The following SRGAP2B variants were observed in gnomAD, a reference collection of about 807,000 sequenced individuals.
SRGAP2B encodes SLIT-ROBO Rho GTPase activating protein 2B.
A neutral mutation model predicts 22.2 loss-of-function variants in SRGAP2B; 9 were observed. That is an observed-to-expected ratio of 0.41 (90% confidence interval 0.24 to 0.71). The LOEUF (loss-of-function observed/expected upper bound fraction) is 0.71, where lower values mean the gene tolerates loss of function less well. Among genes scored for constraint, SRGAP2B ranks in the 30% least tolerant of loss-of-function variants. The pLI, the probability that SRGAP2B is intolerant of heterozygous loss-of-function variation, is 0.35. For missense variants in SRGAP2B, 114 were observed against 235.8 expected (o/e 0.48, Z 3.38); for synonymous variants, 36 against 87.4 (o/e 0.41, Z 3.28).
chr1:144,927,444 A>G (rs1664819311), intron 4 of SRGAP2B, among the ~76,000 whole-genome samples: 1 of 150,810 alleles, frequency 6.6e-6, no homozygotes, highest in African/African-American at 2.5e-5. Context: ...TTTGAAGGGT[A>G]TTCCTTTCTA....
intron 2 of SRGAP2B, among the ~76,000 whole-genome samples, chr1:144,995,687 C>T (rs1170347978): frequency 6.9e-6 from 1 of 145,582 alleles, no homozygotes; most frequent in African/African-American, 2.7e-5. Context: ...AGAGACCATG[C>T]TCCTACTTTT....
intron 2 of SRGAP2B, among the ~76,000 whole-genome samples, chr1:144,999,934 T>C (rs1671010457): frequency 6.7e-6 from 1 of 149,622 alleles, no homozygotes; most frequent in Non-Finnish European, 1.5e-5. Flanking sequence ...AAGAGTGAAT[T>C]TTACAGTATG....
chr1:145,035,950 A>C (rs1191819925), intron 2 of SRGAP2B, among the ~76,000 whole-genome samples: 4 of 143,858 alleles, frequency 2.8e-5, no homozygotes, highest in Non-Finnish European at 6.1e-5. Context: ...AAAAAAAAAA[A>C]AAAAACCCAC....
intron 4 of SRGAP2B, among the ~76,000 whole-genome samples, 151 bp downstream of exon 4, chr1:144,955,288 T>C (rs1409667638): frequency 4.3e-4 from 63 of 146,082 alleles, no homozygotes; most frequent in Non-Finnish European, 7.0e-4. Context: ...GGGGTATATG[T>C]GCAAGTTTGT....
intron 4 of SRGAP2B, among the ~76,000 whole-genome samples, chr1:144,953,843 T>C (rs1553609806): frequency 2.0e-5 from 3 of 150,714 alleles, no homozygotes; most frequent in Non-Finnish European, 4.4e-5. Context: ...AAAGTTGTTT[T>C]CTCGGATGAA....
At chr1:145,010,292 T>A (rs1671955644) in intron 2 of SRGAP2B, among the ~76,000 whole-genome samples, 1 of 96,116 alleles carries the variant, frequency 1.0e-5, no homozygotes, top group Non-Finnish European at 2.0e-5. Context: ...AGCATGCAAG[T>A]TGGAATGTAA....
Position 145,001,971 on chromosome 1 carries a change from G to A in SRGAP2B, c.68-6771C>T, listed in dbSNP as rs1175483022. ...CAGGAGGTCAAGGCCACAGTGAGCC[G>A]TGATTGTGCCACTATACTCCAGCCT... is the stretch of plus-strand genomic sequence containing the variant. On this transcript the variant is annotated intron_variant, in intron 2 of 9. Transcript: ENST00000612199. Among the ~76,000 whole-genome samples the A allele has an allele frequency of 1.1e-4, 16 of 144,674 alleles. 1 individual carries two copies. The highest frequency in any genetic ancestry group is 2.9e-4 in the African/African-American group (11 of 37,356). The allele number at this position is 144,674 out of a possible 152,430, so 94.9% of individuals were successfully genotyped here. A position where few individuals can be genotyped will look rare whatever the true frequency, so the allele number is the denominator to read the frequency against.
chr1:144,943,982 T>A (rs1754458), intron 4 of SRGAP2B, among the ~76,000 whole-genome samples: 1 of 147,694 alleles, frequency 6.8e-6, no homozygotes, highest in Admixed American at 6.7e-5. Context: ...ACATCTTGGG[T>A]TTCCCATGGA....
intron 3 of SRGAP2B, among the ~76,000 whole-genome samples, chr1:144,984,846 T>G (rs1333122896): frequency 6.6e-6 from 1 of 150,710 alleles, no homozygotes; most frequent in African/African-American, 2.5e-5. Context: ...AAATCCCTAA[T>G]CAAGGGTCAA....
rs1244721140 is a variant in SRGAP2B at position 144,945,635 on chromosome 1, T to C, written c.423+9804A>G. On this transcript the variant is annotated intron_variant, in intron 4 of 9. Coordinates refer to ENST00000612199, the Ensembl canonical transcript of SRGAP2B. ...CAAACAAACAAACAAAAAGATGATATATTACATACAAGTAAGCAATAATAA... is the reference window on the plus strand; with the variant it reads ...CAAACAAACAAACAAAAAGATGATACATTACATACAAGTAAGCAATAATAA... Among the ~76,000 whole-genome samples, 10 of 150,188 alleles carry C rather than the reference T, an allele frequency of 6.7e-5. No homozygotes were observed. In the East Asian group the frequency reaches 9.7e-4, roughly 15 times the overall value.
At chr1:145,066,661 C>A (rs1436794986) in intron 2 of SRGAP2B, among the ~76,000 whole-genome samples, 1 of 151,628 alleles carries the variant, frequency 6.6e-6, no homozygotes, top group Admixed American at 6.6e-5. Context: ...GCGCCCAGGC[C>A]GTCTGGCTAC....
In SRGAP2B at chr1:144,976,018, C is replaced by T. The variant is rs2747585; in HGVS notation, c.260+18990G>A. Reference sequence around the variant, plus strand: ...CCTCCCCAGTAGCTGGGACCACAGGCGCCTGCCACCATGCCCGGCTAATTT... The same window carrying T: ...CCTCCCCAGTAGCTGGGACCACAGGTGCCTGCCACCATGCCCGGCTAATTT... On this transcript the variant is annotated intron_variant, in intron 3 of 9. Transcript: ENST00000612199. Among the ~76,000 whole-genome samples, 407 of 149,562 alleles carry T rather than the reference C, an allele frequency of 2.7e-3. 28 individuals carry two copies. The highest frequency in any genetic ancestry group is 9.8e-3 in the African/African-American group (389 of 39,558).
intron 2 of SRGAP2B, among the ~76,000 whole-genome samples, chr1:144,998,428 G>A (rs1553618931): frequency 1.6e-5 from 2 of 126,972 alleles, no homozygotes; most frequent in South Asian, 2.8e-4. Context: ...GAGACAGTAA[G>A]AAAGCAATAT....
At chr1:145,012,149 T>C (rs1264720405) in intron 2 of SRGAP2B, among the ~76,000 whole-genome samples, 1 of 147,016 alleles carries the variant, frequency 6.8e-6, no homozygotes, top group African/African-American at 2.6e-5. Flanking sequence ...TTCATGCCAC[T>C]TGTAAATCTA....
exon 10 of SRGAP2B, chr1:144,891,730 AAT>A (rs1465945514): frequency 1.7e-5 from 1 of 59,872 alleles, no homozygotes; most frequent in East Asian, 4.2e-4. Context: ...AATTAGAAAA[AAT>A]AGTTTCCCAA....
At chr1:144,958,068 G>T (rs587678155) in intron 3 of SRGAP2B, among the ~76,000 whole-genome samples, 38 of 150,172 alleles carry the variant, frequency 2.5e-4, no homozygotes, top group Admixed American at 5.3e-4. Flanking sequence ...TGCTTTAGTG[G>T]TTATAAAAGT....
chr1:144,930,409 A>G (rs1481282158), intron 4 of SRGAP2B, among the ~76,000 whole-genome samples: 1 of 114,500 alleles, frequency 8.7e-6, no homozygotes, highest in African/African-American at 3.8e-5. Flanking sequence ...TCAAACAGAA[A>G]AAGGAGGTTA....
In SRGAP2B at chr1:145,021,727, T is replaced by A. The variant is rs1486271012; in HGVS notation, c.68-26527A>T. ...TACTCAGGAGGCTGACGCAGGAGAA[T>A]CTCTTGAACCCAGGAGGCAGAGGTT... is the stretch of plus-strand genomic sequence containing the variant. On this transcript the variant is annotated intron_variant, in intron 2 of 9. Coordinates refer to ENST00000612199, the Ensembl canonical transcript of SRGAP2B. Among the ~76,000 whole-genome samples, 5 of 148,104 alleles carry A rather than the reference T, an allele frequency of 3.4e-5. 2 individuals are homozygous for A. The highest frequency in any genetic ancestry group is 1.3e-4 in the African/African-American group (5 of 38,742).
intron 2 of SRGAP2B, among the ~76,000 whole-genome samples, chr1:145,074,465 TA>T (rs1652389850): frequency 9.5e-6 from 1 of 105,270 alleles, no homozygotes; most frequent in Admixed American, 9.8e-5. Flanking sequence ...TTTTTTTAAC[TA>T]CTTTCGTATA....
Sources: allele counts gnomAD v4.1 joint callset (sites outside exome capture counted in the v4.1 genomes callset), GRCh38; gene constraint gnomAD v4.1.1; transcripts MANE v1.5; gene names NCBI Gene and HGNC (gene_info 2026-07-23, HGNC 2026-07-21).